The following EXO1 variants were observed in gnomAD, a reference collection of about 807,000 sequenced individuals.
EXO1 encodes exonuclease 1.
A neutral mutation model predicts 84.5 loss-of-function variants in EXO1; 69 were observed. The observed-to-expected ratio is 0.82, with a 90% confidence interval of 0.67 to 1.00. EXO1 has a LOEUF of 1.00. EXO1 is among the 50% of genes least tolerant of loss of function. The pLI is 0.00. For missense variants in EXO1, 1,045 were observed against 1,000.7 expected (o/e 1.04, Z -0.60); for synonymous variants, 373 against 366.1 (o/e 1.02, Z -0.21).
At position 241,866,972 on chromosome 1, in the gene EXO1, G is replaced by C. The variant is rs763985875; in HGVS notation, c.1184G>C (p.Ser395Thr). 1.2e-6 allele frequency: 2 copies of C among 1,614,050 alleles called. No homozygotes were observed. The highest frequency in any genetic ancestry group is 2.2e-5 in the South Asian group (2 of 91,070). The change falls in exon 11 of 16, where the codon AGT becomes ACT. Residue 395 changes from serine (S) to threonine (T), a missense_variant. Transcript: ENST00000366548. Reference sequence around the variant, plus strand: ...GCCCCACAATTGAAGGAAAATCCAAGTACTGTGGGAGTGGAACGAGTGATT... The same window carrying C: ...GCCCCACAATTGAAGGAAAATCCAACTACTGTGGGAGTGGAACGAGTGATT... ...SDAPQLKENP[S>T]TVGVERVIST...
intron 10 of EXO1, among the ~76,000 whole-genome samples, chr1:241,862,392 AT>A (rs1171316016): frequency 6.6e-6 from 1 of 152,082 alleles, no homozygotes; most frequent in African/African-American, 2.4e-5. Flanking sequence ...CTTTAATCCC[AT>A]TTACGTAAAG....
intron 14 of EXO1, among the ~76,000 whole-genome samples, chr1:241,883,810 G>T (rs1460534905): frequency 1.3e-5 from 2 of 152,110 alleles, no homozygotes; most frequent in Non-Finnish European, 2.9e-5. Context: ...CTATTAAGAA[G>T]TCTGGAAAGA....
In EXO1 at chr1:241,853,469, C is replaced by A; in HGVS notation, c.393C>A (p.His131Gln). Residue 131 changes from histidine (H) to glutamine (Q), a missense_variant, in exon 6 of 16, where the codon CAC becomes CAA. Physicochemically the swap from His to Gln is conservative, Grantham distance 24 (BLOSUM62 0). Coordinates refer to ENST00000366548, the MANE Select transcript of EXO1 (RefSeq NM_130398.4). ...RSINITHAMA[H>Q]KVIKAARSQG... ...TCAATATCACACATGCCATGGCCCA[C>A]AAAGTAATTAAAGTAAGACAAAGGG... 6.2e-7 allele frequency: 1 copy of A among 1,613,858 alleles called. No individual in the cohort carries two copies. The highest frequency in any genetic ancestry group is 1.6e-4 in the Middle Eastern group (1 of 6,062).
At chr1:241,853,528 C>G in intron 6 of EXO1, 47 bp downstream of exon 6, 1 of 1,608,768 alleles carries the variant, frequency 6.2e-7, no homozygotes, top group Non-Finnish European at 8.5e-7. Context: ...CTAGTTACAA[C>G]TTGTTTATTG....
At chr1:241,857,556 C>T in intron 7 of EXO1, 74 bp downstream of exon 7, 3 of 899,066 alleles carry the variant, frequency 3.3e-6, no homozygotes, top group Non-Finnish European at 4.9e-6. Flanking sequence ...GAAATTTTTC[C>T]TGTCCAGGAA....
intron 12 of EXO1, among the ~76,000 whole-genome samples, chr1:241,874,817 C>CATACAGTAAGTAACTCG (rs1324287468): frequency 1.3e-5 from 2 of 152,126 alleles, no homozygotes; most frequent in African/African-American, 4.8e-5. Flanking sequence ...AGATGATAAA[C>CATACAGTAAGTAACTCG]ATACAGTAAG....
intron 11 of EXO1, among the ~76,000 whole-genome samples, chr1:241,870,960 C>T (rs1368042033): frequency 6.6e-6 from 1 of 152,144 alleles, no homozygotes; most frequent in Non-Finnish European, 1.5e-5. Flanking sequence ...AACTAATATA[C>T]AGTAGATATG....
At position 241,860,553 on chromosome 1, in the gene EXO1, A is replaced by G. The variant is rs548499993; in HGVS notation, c.793A>G (p.Ile265Val). 1 of 1,614,080 alleles carries G rather than the reference A, an allele frequency of 6.2e-7. No individual in the cohort carries two copies. The highest frequency in any genetic ancestry group is 2.2e-5 in the East Asian group (1 of 44,872). Residue 265 changes from isoleucine (I) to valine (V), a missense_variant, in exon 9 of 16, where the codon ATC (isoleucine) becomes GTC (valine). Ile to Val is a conservative substitution (Grantham distance 29, BLOSUM62 3). Coordinates refer to ENST00000366548, the MANE Select transcript of EXO1 (RefSeq NM_130398.4). ...AATTGGACATTATCTCAAGATGAAT[A>G]TCACGGTACCAGAGGATTACATCAA... ...KKIGHYLKMNITVPEDYINGF... is the reference protein window; with the variant it reads ...KKIGHYLKMNVTVPEDYINGF...
rs191573829 is a variant in EXO1, at chr1:241,879,072, G to C, written c.1838G>C (p.Gly613Ala). 4.1e-5 allele frequency: 66 copies of C among 1,614,142 alleles called. No individual in the cohort carries two copies. The East Asian group carries it at 1.0e-3, about 26-fold the overall frequency. The change falls in exon 13 of 16, where the codon GGA (glycine) becomes GCA (alanine). Residue 613 changes from glycine (G) to alanine (A), a missense_variant. Coordinates refer to ENST00000366548, the MANE Select transcript of EXO1 (RefSeq NM_130398.4). Reference protein sequence around the residue: ...GTLRSCFSWSGGLGDFSRTPS... With the variant: ...GTLRSCFSWSAGLGDFSRTPS... ...CTAAGAAGTTGTTTTAGTTGGTCTG[G>C]AGGTCTTGGAGATTTTTCAAGAACG...
At chr1:241,852,450 C>T (rs1274993757) in intron 5 of EXO1, 39 bp downstream of exon 5, 1 of 1,569,738 alleles carries the variant, frequency 6.4e-7, no homozygotes, top group African/African-American at 1.4e-5. Context: ...CTTCATTGCA[C>T]TAAGGTCAGA....
rs1662932380 is a variant in EXO1, at chr1:241,884,497, C to CAT, written c.2212-809_2212-808dup. ...AGAGGTTTGTTTAAGTAAGTTATGGCATATATATACAATGCAAGAACAGGC... is the reference window on the plus strand; with the variant it reads ...AGAGGTTTGTTTAAGTAAGTTATGGCATATATATATACAATGCAAGAACAGGC... On this transcript the variant is annotated intron_variant, in intron 14 of 15. Transcript: ENST00000366548. Among the ~76,000 whole-genome samples the CAT allele has an allele frequency of 2.6e-5, 4 of 152,194 alleles. 1 individual carries two copies. In the Middle Eastern group the frequency reaches 0.014, roughly 518 times the overall value.
In EXO1 at chr1:241,866,976, T is replaced by C. The variant is rs367681310; in HGVS notation, c.1188T>C (p.Thr396=). The part of the protein sequence containing the change: ...DAPQLKENPS[T]VGVERVISTK... ...CACAATTGAAGGAAAATCCAAGTAC[T>C]GTGGGAGTGGAACGAGTGATTAGTA... Residue 396 remains threonine (T), a synonymous_variant, in exon 11 of 16, where the codon ACT becomes ACC. Transcript: ENST00000366548. 1.1e-5 allele frequency: 18 copies of C among 1,614,004 alleles called. No homozygotes were observed. The African/African-American group carries it at 1.7e-4, about 16-fold the overall frequency.
At chr1:241,866,272 C>T (rs1371192035) in intron 10 of EXO1, among the ~76,000 whole-genome samples, 3 of 152,328 alleles carry the variant, frequency 2.0e-5, no homozygotes, top group African/African-American at 7.2e-5. Context: ...CGCCACCACA[C>T]CTGGCTAATT....
intron 6 of EXO1, among the ~76,000 whole-genome samples, chr1:241,856,263 CTTTT>C (rs11301251): frequency 7.0e-6 from 1 of 143,866 alleles, no homozygotes. Context: ...TTCTTTTTTT[CTTTT>C]TTTTTTTTTA....
At chr1:241,867,448 G>T (rs1373920791) in intron 11 of EXO1, among the ~76,000 whole-genome samples, 1 of 152,102 alleles carries the variant, frequency 6.6e-6, no homozygotes, top group African/African-American at 2.4e-5. Context: ...TCTCCCACCA[G>T]GTCCCTCCCA....
intron 12 of EXO1, among the ~76,000 whole-genome samples, chr1:241,873,160 G>A (rs1027462331): frequency 1.3e-5 from 2 of 151,896 alleles, no homozygotes; most frequent in East Asian, 3.9e-4. Flanking sequence ...TGCCATGTTG[G>A]TGTGCTGCAC....
Position 241,860,549 on chromosome 1 carries a change from G to A in EXO1, c.789G>A (p.Met263Ile). ...AGAAAATTGGACATTATCTCAAGAT[G>A]AATATCACGGTACCAGAGGATTACA... ...VIKKIGHYLK[M>I]NITVPEDYIN... Residue 263 changes from methionine (M) to isoleucine (I), a missense_variant, in exon 9 of 16, where the codon ATG (methionine) becomes ATA (isoleucine). Transcript: ENST00000366548. 1.2e-6 allele frequency: 2 copies of A among 1,613,942 alleles called. No individual in the cohort carries two copies. Among genetic ancestry groups the A allele is most frequent in the Non-Finnish European group, 1.7e-6 (2 of 1,179,852 alleles).
At chr1:241,889,398 G>A in intron 15 of EXO1, 67 bp from the exon 16 acceptor site, 1 of 1,418,066 alleles carries the variant, frequency 7.1e-7, no homozygotes, top group Non-Finnish European at 1.0e-6. Context: ...TTTTGTCCAG[G>A]TAGAATATTT....
At chr1:241,864,130 A>G (rs1661565822) in intron 10 of EXO1, among the ~76,000 whole-genome samples, 1 of 152,186 alleles carries the variant, frequency 6.6e-6, no homozygotes, top group South Asian at 2.1e-4. Context: ...GGGGCCCCGA[A>G]AAGCTCATGG....
Sources: gnomAD v4.1 joint callset for allele counts (sites outside exome capture counted in the v4.1 genomes callset) on GRCh38, gnomAD v4.1.1 for gene constraint, MANE v1.5 for transcripts, NCBI Gene and HGNC (gene_info 2026-07-23, HGNC 2026-07-21) for gene names.